The following PRKCQ variants were observed in gnomAD, a reference collection of about 807,000 sequenced individuals.
PRKCQ encodes the protein protein kinase C theta type.
A neutral mutation model predicts 91.2 loss-of-function variants in PRKCQ; 41 were observed. The ratio of observed to expected loss-of-function variants is 0.45; its 90% CI spans 0.35 to 0.58. The LOEUF is 0.58. Ranked by LOEUF, PRKCQ falls within the 20% of genes least tolerant of loss-of-function variation. The pLI is 0.00. For synonymous variants in PRKCQ, 307 were observed against 316.9 expected, an observed-to-expected ratio of 0.97 and a Z score of 0.33; for missense variants, 673 against 896.5, an observed-to-expected ratio of 0.75 and a Z score of 3.18.
At chr10:6,531,093 A>C (rs780728295) in intron 1 of PRKCQ, among the ~76,000 whole-genome samples, 9 of 152,274 alleles carry the variant, frequency 5.9e-5, no homozygotes, top group Non-Finnish European at 1.2e-4. Context: ...CAGCAACATC[A>C]GCATCCCTGA....
the PRKCQ span, among the ~76,000 whole-genome samples, chr10:6,399,316 C>T: frequency 5.3e-5 from 8 of 152,200 alleles, no homozygotes; most frequent in Admixed American, 1.3e-4. Context: ...AACATAAACA[C>T]ACAGACTCAG....
At chr10:6,520,146 G>A (rs747587835) in intron 1 of PRKCQ, among the ~76,000 whole-genome samples, 15 of 152,158 alleles carry the variant, frequency 9.9e-5, no homozygotes, top group Non-Finnish European at 2.1e-4. Flanking sequence ...ATAAAGTCAC[G>A]CATTCGACTC....
At chr10:6,464,744 A>T (rs1312937945) in intron 12 of PRKCQ, among the ~76,000 whole-genome samples, 1 of 152,200 alleles carries the variant, frequency 6.6e-6, no homozygotes, top group Non-Finnish European at 1.5e-5. Context: ...CGCCATACCC[A>T]GTCACAGTTC....
chr10:6,528,504 C>T (rs1042188188), intron 1 of PRKCQ, among the ~76,000 whole-genome samples: 2 of 152,150 alleles, frequency 1.3e-5, no homozygotes, highest in Non-Finnish European at 2.9e-5. Flanking sequence ...TTTGCCTGAA[C>T]GTTTTAGCCA....
chr10:6,496,743 T>C (rs1417707675), intron 7 of PRKCQ, among the ~76,000 whole-genome samples: 1 of 152,080 alleles, frequency 6.6e-6, no homozygotes, highest in Non-Finnish European at 1.5e-5. Context: ...GGCATGGTCC[T>C]GGTTCACTGC....
the PRKCQ span, among the ~76,000 whole-genome samples, chr10:6,400,282 G>C: frequency 6.6e-6 from 1 of 152,162 alleles, no homozygotes; most frequent in Admixed American, 6.5e-5. Context: ...GTGATTTACT[G>C]TCTGTCTTCC....
chr10:6,528,484 G>A (rs1839277107), intron 1 of PRKCQ, among the ~76,000 whole-genome samples: 1 of 152,126 alleles, frequency 6.6e-6, no homozygotes, highest in African/African-American at 2.4e-5. Flanking sequence ...GTGAACAGAC[G>A]ACCAACTTAT....
In PRKCQ at chr10:6,511,052, C is replaced by T; in HGVS notation, c.261G>A (p.Val87=). The T allele has an allele frequency of 6.2e-7, 1 of 1,614,134 alleles. No individual in the cohort carries two copies. The highest frequency in any genetic ancestry group is 8.5e-7 in the Non-Finnish European group (1 of 1,180,024). Residue 87 remains valine (V), a synonymous_variant, in exon 3 of 18, where the codon GTG becomes GTA. Transcript: ENST00000263125. ...ACCTCTCAGCCAGCGAGTAGAGCTC[C>T]ACGGTGGTTTCAGAGATGAGGTCCA... ...KNVDLISETT[V]ELYSLAERCR...
At chr10:6,476,218 T>C (rs1484336021) in intron 12 of PRKCQ, among the ~76,000 whole-genome samples, 1 of 151,134 alleles carries the variant, frequency 6.6e-6, no homozygotes, top group Non-Finnish European at 1.5e-5. Context: ...GAAGCTGTGA[T>C]GGACAGGCAA....
chr10:6,540,145 CAA>C (rs1255308886), intron 1 of PRKCQ, among the ~76,000 whole-genome samples: 13 of 152,162 alleles, frequency 8.5e-5, no homozygotes, highest in Non-Finnish European at 1.6e-4. Context: ...CCCAGACACA[CAA>C]AGTTTGTCAG....
chr10:6,465,915 T>C lies in PRKCQ; in HGVS notation c.1354-1511A>G, dbSNP rs1422912734. ...TTCTCAGCTGACATAAATCATGACT[T>C]AACACAGATTTCAAACCCAATTTGA... On this transcript the variant is annotated intron_variant, in intron 12 of 17. Transcript: ENST00000263125. This position sits in a 1 kb window ranked among gnomAD's most constrained non-coding sequence, Gnocchi z 4.4. 6.6e-6 allele frequency among the ~76,000 whole-genome samples: 1 copy of C among 152,250 alleles called. No individual in the cohort carries two copies. Among genetic ancestry groups the C allele is most frequent in the Non-Finnish European group, 1.5e-5 (1 of 68,042 alleles).
At chr10:6,519,164 G>A (rs1175151785) in intron 1 of PRKCQ, among the ~76,000 whole-genome samples, 1 of 152,192 alleles carries the variant, frequency 6.6e-6, no homozygotes, top group Non-Finnish European at 1.5e-5. Context: ...GGTGTTCGGA[G>A]CAGATAGTAG....
the PRKCQ span, among the ~76,000 whole-genome samples, chr10:6,406,316 CTTT>C: frequency 7.0e-6 from 1 of 143,290 alleles, no homozygotes; most frequent in Non-Finnish European, 1.5e-5. Flanking sequence ...AATCAAACTA[CTTT>C]TTTTTTTTTT....
chr10:6,416,001 C>T, the PRKCQ span, among the ~76,000 whole-genome samples: 19 of 152,146 alleles, frequency 1.2e-4, no homozygotes, highest in African/African-American at 4.3e-4. Flanking sequence ...CCCGACTCGA[C>T]CTCTCAAAGT....
At chr10:6,431,471 T>C (rs1355388151) in intron 16 of PRKCQ, among the ~76,000 whole-genome samples, 1 of 151,846 alleles carries the variant, frequency 6.6e-6, no homozygotes, top group Non-Finnish European at 1.5e-5. Flanking sequence ...CATGAACACA[T>C]ACACCTGCAC....
chr10:6,459,664 G>A (rs376943038), intron 14 of PRKCQ, among the ~76,000 whole-genome samples: 25 of 152,346 alleles, frequency 1.6e-4, no homozygotes, highest in Middle Eastern at 3.4e-3. Flanking sequence ...TCTTAGAAAA[G>A]ACAGATGGGG....
At chr10:6,578,139 G>A (rs1337524542) in intron 1 of PRKCQ, among the ~76,000 whole-genome samples, 2 of 152,220 alleles carry the variant, frequency 1.3e-5, no homozygotes, top group African/African-American at 4.8e-5. Flanking sequence ...GGATCTTTGA[G>A]ATTACAGAAG....
At chr10:6,431,345 G>T (rs1455665946) in intron 16 of PRKCQ, among the ~76,000 whole-genome samples, 1 of 152,092 alleles carries the variant, frequency 6.6e-6, no homozygotes, top group Non-Finnish European at 1.5e-5. Flanking sequence ...CACACAGACA[G>T]GCACATGTGA....
chr10:6,410,754 G>A, the PRKCQ span, among the ~76,000 whole-genome samples: 55,802 of 151,962 alleles, frequency 0.37, 11,606 homozygotes, highest in Non-Finnish European at 0.47. Flanking sequence ...AGGCCAAGGC[G>A]GGTGGATCAC....
Sources: gnomAD v4.1 joint callset for allele counts (sites outside exome capture counted in the v4.1 genomes callset) on GRCh38, gnomAD v4.1.1 for gene constraint, Gnocchi (gnomAD v3.1) non-coding constraint, MANE v1.5 for transcripts, NCBI Gene and HGNC (gene_info 2026-07-23, HGNC 2026-07-21) for gene names.